Variants in PYHIN1 observed in about 807,000 individuals in gnomAD.
PYHIN1 encodes the protein pyrin and HIN domain family member 1, also known as pyrin and HIN domain-containing protein 1.
Under a neutral mutation model 43.7 loss-of-function variants are expected in PYHIN1, and 32 were observed. The ratio of observed to expected loss-of-function variants is 0.73; its 90% CI spans 0.55 to 0.98. The LOEUF is 0.98. Among genes scored for constraint, PYHIN1 ranks in the 50% least tolerant of loss-of-function variants. The probability of loss-of-function intolerance (pLI) is 0.00; values close to 1 mark genes in which losing one functional copy is unlikely to be tolerated. For synonymous variants in PYHIN1, 205 were observed against 203.1 expected, an observed-to-expected ratio of 1.01 and a Z score of -0.08; for missense variants, 588 against 589.5, an observed-to-expected ratio of 1.00 and a Z score of 0.03.
chr1:158,984,588 GA>G, the PYHIN1 span, among the ~76,000 whole-genome samples: 6 of 152,128 alleles, frequency 3.9e-5, no homozygotes, highest in African/African-American at 1.4e-4. Context: ...ATGTGGCACA[GA>G]GTATGTGCCA....
At chr1:158,986,981 C>G in the PYHIN1 span, among the ~76,000 whole-genome samples, 1 of 152,180 alleles carries the variant, frequency 6.6e-6, no homozygotes, top group African/African-American at 2.4e-5. Context: ...TAAGAAACCT[C>G]TATAATGTTT....
chr1:158,966,253 T>G (rs886877819), intron 7 of PYHIN1, among the ~76,000 whole-genome samples: 7 of 151,936 alleles, frequency 4.6e-5, no homozygotes, highest in Admixed American at 2.6e-4. Context: ...CAACTAAAAG[T>G]AGCCCATGAC....
At chr1:158,959,546 C>A (rs756742851) in intron 7 of PYHIN1, among the ~76,000 whole-genome samples, 1 of 152,174 alleles carries the variant, frequency 6.6e-6, no homozygotes, top group Admixed American at 6.5e-5. Flanking sequence ...TCAGCCATAA[C>A]CCTATCTTGA....
chr1:158,956,077 C>T (rs927914647), intron 7 of PYHIN1, among the ~76,000 whole-genome samples: 1 of 145,768 alleles, frequency 6.9e-6, no homozygotes, highest in Non-Finnish European at 1.5e-5. Flanking sequence ...TCTGAATAGA[C>T]CAATAACAGG....
chr1:158,939,518 C>T (rs1377422566), intron 4 of PYHIN1: 1 of 1,550,518 alleles, frequency 6.4e-7, no homozygotes, highest in Admixed American at 2.0e-5. Context: ...GACTCACTGT[C>T]TACTGCCCCC....
downstream of PYHIN1, among the ~76,000 whole-genome samples, chr1:158,979,694 G>T (rs1019917436): frequency 3.9e-5 from 6 of 152,206 alleles, no homozygotes; most frequent in East Asian, 1.2e-3. Flanking sequence ...ATACCAAGAA[G>T]AATAAATCTT....
intron 7 of PYHIN1, among the ~76,000 whole-genome samples, chr1:158,962,664 A>G (rs1385493434): frequency 6.6e-6 from 1 of 152,152 alleles, no homozygotes; most frequent in East Asian, 1.9e-4. Flanking sequence ...GGAAAGAAAC[A>G]AAGGGCCTGG....
intron 7 of PYHIN1, among the ~76,000 whole-genome samples, chr1:158,964,134 A>G (rs1230242333): frequency 1.3e-5 from 2 of 152,130 alleles, no homozygotes; most frequent in African/African-American, 2.4e-5. Flanking sequence ...TGAGGAAAAA[A>G]CCTCAGGGCT....
At chr1:158,980,569 T>C (rs1557850488), downstream of PYHIN1, among the ~76,000 whole-genome samples, 1 of 152,214 alleles carries the variant, frequency 6.6e-6, no homozygotes, top group East Asian at 1.9e-4. Flanking sequence ...GTCTGACTTG[T>C]GCAGTTGAGA....
chr1:158,941,569 A>T (rs544562578), intron 4 of PYHIN1, among the ~76,000 whole-genome samples: 2 of 152,214 alleles, frequency 1.3e-5, no homozygotes, highest in Admixed American at 1.3e-4. Context: ...TGTGGTGGAC[A>T]CCCTTTACCA....
chr1:158,987,068 C>A, the PYHIN1 span, among the ~76,000 whole-genome samples: 1 of 152,192 alleles, frequency 6.6e-6, no homozygotes, highest in African/African-American at 2.4e-5. Flanking sequence ...CTTACCAACA[C>A]CTGTTATCTT....
chr1:158,938,308 A>C (rs1648686377), intron 2 of PYHIN1, 89 bp from the exon 3 acceptor site: 2 of 1,377,308 alleles, frequency 1.5e-6, no homozygotes, highest in East Asian at 2.3e-5. Flanking sequence ...ACCCTCAAGC[A>C]GGAGCTAAGA....
At chr1:158,947,587 C>T (rs1649292180) in intron 7 of PYHIN1, among the ~76,000 whole-genome samples, 1 of 152,216 alleles carries the variant, frequency 6.6e-6, no homozygotes, top group South Asian at 2.1e-4. Context: ...CCTGACCCAA[C>T]AACAGATGAA....
chr1:158,970,180 T>C (rs895515412), intron 7 of PYHIN1, among the ~76,000 whole-genome samples: 5 of 151,984 alleles, frequency 3.3e-5, no homozygotes, highest in African/African-American at 1.2e-4. Context: ...GAAATTACTA[T>C]GAGGAAAATA....
At chr1:158,962,604 T>G (rs1650387344) in intron 7 of PYHIN1, among the ~76,000 whole-genome samples, 1 of 152,066 alleles carries the variant, frequency 6.6e-6, no homozygotes, top group Admixed American at 6.5e-5. Flanking sequence ...AACCCACAAC[T>G]CCTCCACCAT....
intron 1 of PYHIN1, among the ~76,000 whole-genome samples, chr1:158,936,108 G>C (rs1357210623): frequency 6.6e-6 from 1 of 151,058 alleles, no homozygotes; most frequent in Non-Finnish European, 1.5e-5. Flanking sequence ...TGTGCATAAC[G>C]TGCAGGTTTG....
At chr1:158,959,410 T>C (rs1046760720) in intron 7 of PYHIN1, among the ~76,000 whole-genome samples, 13 of 152,180 alleles carry the variant, frequency 8.5e-5, no homozygotes, top group South Asian at 4.1e-4. Context: ...AGAGCAATTA[T>C]GCACCCGCGG....
chr1:158,952,490 C>A (rs1033108651), intron 7 of PYHIN1, among the ~76,000 whole-genome samples: 1 of 152,110 alleles, frequency 6.6e-6, no homozygotes, highest in African/African-American at 2.4e-5. Context: ...TAGAGCATAT[C>A]CCATTTTTTT....
intron 7 of PYHIN1, among the ~76,000 whole-genome samples, chr1:158,948,457 G>A (rs1334429815): frequency 1.3e-5 from 2 of 152,180 alleles, no homozygotes; most frequent in East Asian, 1.9e-4. Flanking sequence ...ATACAGATAT[G>A]TTTATGCCCC....
Sources: gnomAD v4.1 joint callset for allele counts (sites outside exome capture counted in the v4.1 genomes callset) on GRCh38, gnomAD v4.1.1 for gene constraint, MANE v1.5 for transcripts, NCBI Gene and HGNC (gene_info 2026-07-23, HGNC 2026-07-21) for gene names.